ATP2C2: variants seen among roughly 807,000 people sequenced by gnomAD.
ATP2C2 encodes calcium-transporting ATPase type 2C member 2.
ATP2C2 carries 171 observed loss-of-function variants against 110.8 expected under a neutral mutation model. That is an observed-to-expected ratio of 1.54 (90% confidence interval 1.36 to 1.75). The LOEUF is 1.75. Ranked by LOEUF, ATP2C2 falls within the 40% of genes most tolerant of loss-of-function variation. ATP2C2 has a pLI of 0.00. For missense variants in ATP2C2, 1,963 were observed against 1,235.0 expected, an observed-to-expected ratio of 1.59 and a Z score of -8.84; for synonymous variants, 804 against 508.4, an observed-to-expected ratio of 1.58 and a Z score of -7.82.
chr16:84,384,995 G>C (rs955986579), intron 1 of ATP2C2, among the ~76,000 whole-genome samples: 1 of 152,332 alleles, frequency 6.6e-6, no homozygotes. Flanking sequence ...GTTGCAGTGA[G>C]CTAAGATTGT....
intron 1 of ATP2C2, among the ~76,000 whole-genome samples, chr16:84,392,851 G>GAATA (rs1567691489): frequency 6.6e-6 from 1 of 152,148 alleles, no homozygotes; most frequent in Non-Finnish European, 1.5e-5. Context: ...ATGTCCCCAT[G>GAATA]GTGTCATTCA....
At chr16:84,433,699 CACA>C (rs1908490194) in intron 11 of ATP2C2, among the ~76,000 whole-genome samples, 1 of 151,930 alleles carries the variant, frequency 6.6e-6, no homozygotes, top group Non-Finnish European at 1.5e-5. Context: ...CACACACACA[CACA>C]CACCCTCCTG....
chr16:84,463,548 G>T (rs546232137), intron 26 of ATP2C2, 66 bp from the exon 27 acceptor site: 3 of 1,367,744 alleles, frequency 2.2e-6, no homozygotes, highest in East Asian at 2.3e-5. Flanking sequence ...GGCAGGGAAG[G>T]CGCTTCCTGC....
chr16:84,432,093 G>A (rs780720894), intron 11 of ATP2C2, among the ~76,000 whole-genome samples: 3 of 152,060 alleles, frequency 2.0e-5, no homozygotes, highest in African/African-American at 2.4e-5. Context: ...GGTGGGGCCC[G>A]AGACTCACAT....
At position 84,368,571 on chromosome 16, in the gene ATP2C2, T is replaced by C; in HGVS notation, c.-45T>C. ...TGGGCGCGCGCAGCCATCCCGGGCC[T>C]CGCCGGGGACCTAGGGACGCAGGCA... On this transcript the variant is annotated 5_prime_UTR_variant, in exon 1 of 27. Transcript: ENST00000262429. The C allele has an allele frequency of 2.1e-6, 3 of 1,456,524 alleles. No individual in the cohort carries two copies. Among genetic ancestry groups the C allele is most frequent in the Non-Finnish European group, 2.8e-6 (3 of 1,073,912 alleles). 90.2% of individuals were successfully genotyped at this position (1,456,524 alleles called of 1,614,324 possible).
chr16:84,386,272 T>C (rs1392793665), intron 1 of ATP2C2, among the ~76,000 whole-genome samples: 1 of 152,202 alleles, frequency 6.6e-6, no homozygotes, highest in Non-Finnish European at 1.5e-5. Context: ...AGTGTGCATA[T>C]GCTGCGAGAT....
At chr16:84,383,786 GGTTT>G (rs1319069020) in intron 1 of ATP2C2, among the ~76,000 whole-genome samples, 14 of 85,648 alleles carry the variant, frequency 1.6e-4, no homozygotes, top group African/African-American at 2.0e-4. Flanking sequence ...TGGTTTTGTT[GGTTT>G]TTTTTTTTTT....
chr16:84,440,919 T>G lies in ATP2C2; in HGVS notation c.1272T>G (p.Ile424Met), dbSNP rs1213820129. The G allele has an allele frequency of 1.9e-6, 3 of 1,613,274 alleles. No individual in the cohort carries two copies. Among genetic ancestry groups the G allele is most frequent in the African/African-American group, 1.3e-5 (1 of 74,880 alleles). Residue 424 changes from isoleucine to methionine, a missense_variant, in exon 14 of 27, where the codon ATT (isoleucine) becomes ATG (methionine). Coordinates refer to ENST00000262429, the MANE Select transcript of ATP2C2 (RefSeq NM_014861.4). ...TVCLLPSKEVIKEFSNVSVGK... is the reference protein window; with the variant it reads ...TVCLLPSKEVMKEFSNVSVGK... ...GTCTTCTACCATCCAAGGAAGTCAT[T>G]AAGGAATTTTCCAATGTCTCAGTGG...
rs148361922 is a variant in ATP2C2, at chr16:84,436,310, C to T, written c.987-2856C>T. On this transcript the variant is annotated intron_variant, in intron 11 of 26. Coordinates refer to ENST00000262429, the MANE Select transcript of ATP2C2 (RefSeq NM_014861.4). ...GGCAGCACTGTGCATTGCTGTGGTC[C>T]CTGGTGACTTGGTGGTGGCTCTTTG... Among the ~76,000 whole-genome samples, 863 of 152,296 alleles carry T rather than the reference C, an allele frequency of 5.7e-3. 30 individuals carry two copies. Among genetic ancestry groups the T allele is most frequent in the Admixed American group, 0.044 (668 of 15,302 alleles).
rs756886235 is a variant in ATP2C2 at position 84,405,160 on chromosome 16, G to A, written c.243G>A (p.Ser81=). ...VDLHTGLSEF[S]VTQRRLAHGW... ...TACACACTGGGCTGTCGGAGTTCTC[G>A]GTGACGCAGCGCCGGCTGGCCCATG... is the stretch of plus-strand genomic sequence containing the variant. Residue 81 remains serine, a synonymous_variant, in exon 3 of 27, where the codon TCG becomes TCA. Coordinates refer to ENST00000262429, the MANE Select transcript of ATP2C2 (RefSeq NM_014861.4). 1.1e-5 allele frequency: 18 copies of A among 1,613,938 alleles called. No individual in the cohort carries two copies. Among genetic ancestry groups the A allele is most frequent in the Admixed American group, 3.3e-5 (2 of 60,002 alleles).
chr16:84,421,652 A>T (rs1462326521), intron 7 of ATP2C2, among the ~76,000 whole-genome samples: 1 of 152,126 alleles, frequency 6.6e-6, no homozygotes, highest in Non-Finnish European at 1.5e-5. Flanking sequence ...TCTGGGGTCA[A>T]GTTGCGGTTT....
intron 7 of ATP2C2, among the ~76,000 whole-genome samples, chr16:84,420,159 G>A (rs932726479): frequency 3.3e-5 from 5 of 152,004 alleles, no homozygotes; most frequent in Admixed American, 6.6e-5. Context: ...CTCTTCTCAG[G>A]GGCCTCCCTC....
At chr16:84,437,013 C>T (rs1908805691) in intron 11 of ATP2C2, among the ~76,000 whole-genome samples, 1 of 152,162 alleles carries the variant, frequency 6.6e-6, no homozygotes, top group Admixed American at 6.5e-5. Flanking sequence ...CGAGGCGCCT[C>T]AGCCTCCCAA....
chr16:84,421,291 G>T (rs926602454), intron 7 of ATP2C2, among the ~76,000 whole-genome samples: 1 of 152,264 alleles, frequency 6.6e-6, no homozygotes, highest in African/African-American at 2.4e-5. Flanking sequence ...CCCTGACGCT[G>T]TGGGGTCCAC....
At chr16:84,460,851 A>G in intron 24 of ATP2C2, 50 bp downstream of exon 24, 1 of 1,557,322 alleles carries the variant, frequency 6.4e-7, no homozygotes, top group East Asian at 2.3e-5. Context: ...TGCGGTGCAG[A>G]CGCTGGGGAC....
At position 84,462,080 on chromosome 16, in the gene ATP2C2, C is replaced by T. The variant is rs1053079474; in HGVS notation, c.2673C>T (p.Tyr891=). ...GSILGQLAVI[Y]IPPLQRVFQT... The stretch of plus-strand genomic sequence containing the variant: ...TCCTGGGGCAGCTGGCGGTCATTTA[C>T]ATCCCCCCGCTGCAGAGGGTCTTCC... Residue 891 remains tyrosine (Y), a synonymous_variant, in exon 26 of 27, where the codon TAC becomes TAT. Transcript: ENST00000262429. The T allele has an allele frequency of 6.2e-7, 1 of 1,613,920 alleles. No individual in the cohort carries two copies. The highest frequency in any genetic ancestry group is 1.3e-5 in the African/African-American group (1 of 74,916).
chr16:84,383,287 C>T (rs903226852), intron 1 of ATP2C2, among the ~76,000 whole-genome samples: 1 of 152,202 alleles, frequency 6.6e-6, no homozygotes, highest in Non-Finnish European at 1.5e-5. Context: ...TGCATCAAAC[C>T]CTCACTCCAC....
intron 13 of ATP2C2, 117 bp downstream of exon 13, chr16:84,439,641 T>C: frequency 1.0e-6 from 1 of 960,188 alleles, no homozygotes. Context: ...ATTGGGGTCA[T>C]CTTATAATCT....
chr16:84,427,338 A>G (rs902994780), intron 11 of ATP2C2, among the ~76,000 whole-genome samples: 1 of 152,228 alleles, frequency 6.6e-6, no homozygotes, highest in African/African-American at 2.4e-5. Flanking sequence ...TCATACTGCA[A>G]CATGGATTAA....
Sources: gnomAD v4.1 joint callset for allele counts (sites outside exome capture counted in the v4.1 genomes callset) on GRCh38, gnomAD v4.1.1 for gene constraint, MANE v1.5 for transcripts, NCBI Gene and HGNC (gene_info 2026-07-23, HGNC 2026-07-21) for gene names.